REV3L: variants seen among roughly 807,000 people sequenced by gnomAD.
The protein encoded by REV3L is DNA polymerase zeta catalytic subunit.
Under a neutral mutation model 299.4 loss-of-function variants are expected in REV3L, and 69 were observed. The ratio of observed to expected loss-of-function variants is 0.23; its 90% CI spans 0.19 to 0.28. The LOEUF is 0.28. Ranked by LOEUF, REV3L falls within the 10% of genes least tolerant of loss-of-function variation. REV3L has a pLI of 1.00. For missense variants in REV3L, 3,128 were observed against 3,693.8 expected (o/e 0.85, Z 3.97); for synonymous variants, 1,238 against 1,271.4 (o/e 0.97, Z 0.56).
At chr6:111,470,316 G>T (rs1379111264) in intron 1 of REV3L, among the ~76,000 whole-genome samples, 2 of 152,132 alleles carry the variant, frequency 1.3e-5, no homozygotes, top group African/African-American at 4.8e-5. Flanking sequence ...CTGCTTCACT[G>T]TTTCTTCTGT....
intron 21 of REV3L, among the ~76,000 whole-genome samples, chr6:111,340,866 T>C (rs1776407598): frequency 6.6e-6 from 1 of 151,910 alleles, no homozygotes; most frequent in African/African-American, 2.4e-5. Flanking sequence ...CAATTTTAGT[T>C]CCAGTCCTCT....
intron 1 of REV3L, among the ~76,000 whole-genome samples, chr6:111,429,376 T>C (rs1786581484): frequency 6.6e-6 from 1 of 151,932 alleles, no homozygotes; most frequent in South Asian, 2.1e-4. Flanking sequence ...AGAACCACCT[T>C]ACAAAAAAAT....
intron 31 of REV3L, among the ~76,000 whole-genome samples, chr6:111,304,640 G>T (rs574340247): frequency 5.4e-5 from 8 of 148,914 alleles, no homozygotes; most frequent in African/African-American, 2.0e-4. Context: ...CGATCCAAGG[G>T]TATACATGTA....
chr6:111,334,311 G>A (rs191507577), intron 22 of REV3L, among the ~76,000 whole-genome samples: 45 of 152,246 alleles, frequency 3.0e-4, no homozygotes, highest in Admixed American at 2.2e-3. Flanking sequence ...TGACAATTTC[G>A]TTTAAGAAGT....
chr6:111,319,502 G>A (rs966426438), intron 26 of REV3L, among the ~76,000 whole-genome samples: 5 of 152,024 alleles, frequency 3.3e-5, no homozygotes, highest in East Asian at 3.9e-4. Flanking sequence ...AGGTTGCCAC[G>A]GCTGGGAAAG....
At chr6:111,472,681 C>A (rs1792381590) in intron 1 of REV3L, among the ~76,000 whole-genome samples, 1 of 151,990 alleles carries the variant, frequency 6.6e-6, no homozygotes, top group East Asian at 1.9e-4. Flanking sequence ...AGAAAACAGT[C>A]CAGTTTACCA....
intron 1 of REV3L, among the ~76,000 whole-genome samples, chr6:111,475,882 T>C (rs1291905948): frequency 1.3e-5 from 2 of 152,212 alleles, no homozygotes; most frequent in Non-Finnish European, 2.9e-5. Context: ...GTTTCATATT[T>C]AAATCTTTAA....
chr6:111,477,213 T>C (rs967982974), intron 1 of REV3L, among the ~76,000 whole-genome samples: 28 of 152,258 alleles, frequency 1.8e-4, no homozygotes, highest in Admixed American at 1.8e-3. Context: ...TTCTCTGTGA[T>C]GATTATCATC....
At chr6:111,474,457 C>T (rs923361348) in intron 1 of REV3L, among the ~76,000 whole-genome samples, 22 of 152,208 alleles carry the variant, frequency 1.4e-4, no homozygotes, top group African/African-American at 5.1e-4. Flanking sequence ...CCACAAAAGG[C>T]AGCTGTACAC....
intron 1 of REV3L, among the ~76,000 whole-genome samples, chr6:111,437,423 G>A (rs181767858): frequency 1.3e-5 from 2 of 151,812 alleles, no homozygotes; most frequent in Admixed American, 1.3e-4. Flanking sequence ...GGAATGAAGT[G>A]CTGATAAATG....
chr6:111,357,888 A>G (rs1050475524), intron 17 of REV3L, among the ~76,000 whole-genome samples: 1 of 152,140 alleles, frequency 6.6e-6, no homozygotes, highest in African/African-American at 2.4e-5. Context: ...TCATGATGTA[A>G]GGACCCCTCC....
intron 1 of REV3L, among the ~76,000 whole-genome samples, chr6:111,450,494 A>AAC (rs1024120464): frequency 2.0e-5 from 3 of 150,604 alleles, no homozygotes; most frequent in African/African-American, 7.3e-5. Context: ...AAAAAAAAAA[A>AAC]AAAAAAAAAA....
rs1777339630 is a variant in REV3L, at chr6:111,349,234, C to T, written c.7403G>A (p.Arg2468Lys). The stretch of plus-strand genomic sequence containing the variant: ...ATCACCCACCTCATTTCTCATGATT[C>T]TCCAAAGATTTAGTGTAATTCGGCC... ...IVGRITLNLW[R>K]IMRNEVALTN... The change falls in exon 20 of 32, where the codon AGA (arginine) becomes AAA (lysine). Residue 2468 changes from arginine (R) to lysine (K), a missense_variant. By Grantham distance (26) the Arg-to-Lys change is conservative (BLOSUM62 2). Coordinates refer to ENST00000368802, the MANE Select transcript of REV3L (RefSeq NM_001372078.1). 8 of 1,560,982 alleles carry T rather than the reference C, an allele frequency of 5.1e-6. No homozygotes were observed. Among genetic ancestry groups the T allele is most frequent in the Non-Finnish European group, 7.1e-6 (8 of 1,133,786 alleles).
At chr6:111,431,625 A>G (rs1489621851) in intron 1 of REV3L, 5 of 787,972 alleles carry the variant, frequency 6.3e-6, no homozygotes, top group Non-Finnish European at 1.1e-5. Context: ...TTGCACAGCA[A>G]GTAACTACAG....
chr6:111,483,271 C>G, upstream of REV3L: 3 of 475,410 alleles, frequency 6.3e-6, no homozygotes, highest in Non-Finnish European at 1.1e-5. Context: ...CGAAGGGAGG[C>G]TGCGAGTAGT....
At chr6:111,405,449 T>C in intron 4 of REV3L, 21 bp downstream of exon 4, 1 of 1,569,454 alleles carries the variant, frequency 6.4e-7, no homozygotes, top group Admixed American at 1.9e-5. Flanking sequence ...AAAATTTAAT[T>C]TGACTGAAAA....
intron 1 of REV3L, among the ~76,000 whole-genome samples, chr6:111,453,748 C>T (rs962989380): frequency 6.6e-6 from 1 of 152,164 alleles, no homozygotes; most frequent in African/African-American, 2.4e-5. Flanking sequence ...CTTTGGGAGG[C>T]TGAGGCGGGT....
intron 30 of REV3L, among the ~76,000 whole-genome samples, chr6:111,308,988 C>T (rs1304045537): frequency 6.6e-6 from 1 of 152,210 alleles, no homozygotes; most frequent in African/African-American, 2.4e-5. Context: ...GACAATGGCT[C>T]GCTTCTTCAG....
At chr6:111,364,938 A>G (rs971167066) in intron 15 of REV3L, among the ~76,000 whole-genome samples, 2 of 152,034 alleles carry the variant, frequency 1.3e-5, no homozygotes, top group African/African-American at 4.8e-5. Flanking sequence ...ATCAAAAATC[A>G]CTTACTTGAG....
Sources: allele counts gnomAD v4.1 joint callset (sites outside exome capture counted in the v4.1 genomes callset), GRCh38; gene constraint gnomAD v4.1.1; transcripts MANE v1.5; gene names NCBI Gene and HGNC (gene_info 2026-07-23, HGNC 2026-07-21).